CALN1: variants seen among roughly 807,000 people sequenced by gnomAD.
The protein encoded by CALN1 is calcium-binding protein 8.
In CALN1, 17 loss-of-function variants were observed where a neutral mutation model predicts 30.6. The ratio of observed to expected loss-of-function variants is 0.56; its 90% confidence interval spans 0.38 to 0.83. The LOEUF is 0.83. Among genes scored for constraint, CALN1 ranks in the 40% least tolerant of loss-of-function variants. CALN1 has a pLI of 0.00. For synonymous variants in CALN1, 156 were observed against 131.4 expected (o/e 1.19, Z -1.28); for missense variants, 291 against 354.9 (o/e 0.82, Z 1.45).
intron 2 of CALN1, among the ~76,000 whole-genome samples, chr7:72,372,936 T>C (rs1427107751): frequency 6.6e-6 from 1 of 152,154 alleles, no homozygotes; most frequent in African/African-American, 2.4e-5. Flanking sequence ...ATGACATGGA[T>C]GTTGGAATTA....
chr7:72,437,060 T>A (rs1006138240), intron 1 of CALN1, among the ~76,000 whole-genome samples: 1 of 148,934 alleles, frequency 6.7e-6, no homozygotes, highest in Non-Finnish European at 1.5e-5. Flanking sequence ...GGTGACCAGA[T>A]GAGACCCTGT....
At chr7:72,407,942 AG>A (rs2129562713) in intron 1 of CALN1, among the ~76,000 whole-genome samples, 1 of 152,220 alleles carries the variant, frequency 6.6e-6, no homozygotes, top group African/African-American at 2.4e-5. Context: ...TTCAGTCTGG[AG>A]GATCAGCTTG....
intron 5 of CALN1, among the ~76,000 whole-genome samples, chr7:72,017,819 T>C (rs1340283519): frequency 3.3e-5 from 5 of 152,168 alleles, no homozygotes; most frequent in Admixed American, 6.6e-5. Context: ...AACCCAGTTC[T>C]ACATGAGATG....
At chr7:71,802,991 T>C (rs1343982319) in intron 6 of CALN1, among the ~76,000 whole-genome samples, 1 of 151,960 alleles carries the variant, frequency 6.6e-6, no homozygotes, top group Admixed American at 6.6e-5. Flanking sequence ...GCCACTGCAC[T>C]CTAGCCTGGA....
At chr7:72,061,610 T>C (rs1041354883) in intron 4 of CALN1, among the ~76,000 whole-genome samples, 2 of 151,326 alleles carry the variant, frequency 1.3e-5, no homozygotes, top group Admixed American at 6.6e-5. Flanking sequence ...AATTTGAAGA[T>C]AGGTCAATAA....
intron 5 of CALN1, among the ~76,000 whole-genome samples, chr7:71,898,006 AGGGAGG>A (rs1360485353): frequency 0.03 from 2,353 of 79,134 alleles, 119 homozygotes; most frequent in African/African-American, 0.12. Context: ...AGAGAGAGGG[AGGGAGG>A]GGGGGGGAGA....
intron 1 of CALN1, among the ~76,000 whole-genome samples, chr7:72,409,165 T>G (rs942502929): frequency 4.0e-5 from 6 of 151,838 alleles, no homozygotes; most frequent in Non-Finnish European, 1.5e-5. Flanking sequence ...CTGGCTAATT[T>G]TTGCATTTTT....
intron 3 of CALN1, among the ~76,000 whole-genome samples, chr7:72,178,302 G>A (rs1045468699): frequency 3.3e-5 from 5 of 151,992 alleles, no homozygotes; most frequent in African/African-American, 9.7e-5. Context: ...AGAAAGAAAA[G>A]GCAATGGGAA....
At chr7:72,298,607 T>G (rs1182425853) in intron 2 of CALN1, among the ~76,000 whole-genome samples, 2 of 152,174 alleles carry the variant, frequency 1.3e-5, no homozygotes, top group Non-Finnish European at 2.9e-5. Flanking sequence ...TTGCCCATTA[T>G]CTATTAGTCT....
intron 2 of CALN1, among the ~76,000 whole-genome samples, chr7:72,281,748 T>C (rs1797745784): frequency 6.6e-6 from 1 of 152,192 alleles, no homozygotes; most frequent in African/African-American, 2.4e-5. Context: ...CTTCCTATTG[T>C]CACCTTTTAC....
At chr7:72,384,553 G>C (rs2968523) in intron 2 of CALN1, among the ~76,000 whole-genome samples, 49,527 of 151,904 alleles carry the variant, frequency 0.33, 9,800 homozygotes, top group Middle Eastern at 0.5. Context: ...AGGATTGCTT[G>C]AGCCTGGGAG....
At chr7:72,325,848 G>A (rs190948040) in intron 2 of CALN1, among the ~76,000 whole-genome samples, 17 of 152,166 alleles carry the variant, frequency 1.1e-4, no homozygotes, top group East Asian at 5.8e-4. Flanking sequence ...CAATAACCTC[G>A]CAGAGACCTC....
intron 6 of CALN1, among the ~76,000 whole-genome samples, chr7:71,795,720 G>A (rs1786859083): frequency 1.3e-5 from 2 of 151,628 alleles, no homozygotes; most frequent in East Asian, 3.9e-4. Context: ...AAATAAATAC[G>A]ATCATACAGT....
At chr7:72,209,290 C>CTCTT (rs1792171696) in intron 3 of CALN1, among the ~76,000 whole-genome samples, 1 of 82,792 alleles carries the variant, frequency 1.2e-5, no homozygotes, top group Non-Finnish European at 2.1e-5. Flanking sequence ...CTTTCCTTCC[C>CTCTT]TCCTTCCCTC....
At chr7:72,437,481 G>A (rs1268370679) in intron 1 of CALN1, among the ~76,000 whole-genome samples, 2 of 151,896 alleles carry the variant, frequency 1.3e-5, no homozygotes, top group Non-Finnish European at 2.9e-5. Context: ...AGAAGGGTCT[G>A]TCACCAGGAA....
chr7:71,927,075 G>A lies in CALN1; in HGVS notation c.501+96582C>T, dbSNP rs576365285. Among the ~76,000 whole-genome samples, 114 of 152,250 alleles carry A rather than the reference G, an allele frequency of 7.5e-4. 2 individuals are homozygous for A. In the South Asian group the frequency reaches 1.0e-2, roughly 13 times the overall value. Reference sequence around the variant, plus strand: ...TTTTTATTGCACATGAACACTGTGAGGTATGATAGTAGAGAATAAAGTAAA... The same window carrying A: ...TTTTTATTGCACATGAACACTGTGAAGTATGATAGTAGAGAATAAAGTAAA... On this transcript the variant is annotated intron_variant, in intron 5 of 6. Transcript: ENST00000395275.
At chr7:72,234,457 G>A (rs907891082) in intron 3 of CALN1, among the ~76,000 whole-genome samples, 1 of 151,684 alleles carries the variant, frequency 6.6e-6, no homozygotes, top group Non-Finnish European at 1.5e-5. Context: ...TTGTTTTTTT[G>A]TTTTTTTGAG....
At chr7:72,008,354 A>G (rs1799887041) in intron 5 of CALN1, among the ~76,000 whole-genome samples, 1 of 148,646 alleles carries the variant, frequency 6.7e-6, no homozygotes, top group Non-Finnish European at 1.5e-5. Context: ...ATCACAATAC[A>G]TATAAAAATC....
chr7:72,075,696 G>A (rs1016523390), intron 4 of CALN1, among the ~76,000 whole-genome samples: 8 of 152,250 alleles, frequency 5.3e-5, no homozygotes, highest in Admixed American at 3.9e-4. Flanking sequence ...CTGCACCAGC[G>A]TATTCAGATT....
Sources: allele counts gnomAD v4.1 joint callset (sites outside exome capture counted in the v4.1 genomes callset), GRCh38; gene constraint gnomAD v4.1.1; transcripts MANE v1.5; gene names NCBI Gene and HGNC (gene_info 2026-07-23, HGNC 2026-07-21).